The following DIAPH2 variants were observed in gnomAD, a reference collection of about 807,000 sequenced individuals.
The protein encoded by DIAPH2 is protein diaphanous homolog 2.
Under a neutral mutation model 92.7 loss-of-function variants are expected in DIAPH2, and 35 were observed. That is an observed-to-expected ratio of 0.38 (90% CI 0.29 to 0.50). DIAPH2 has a LOEUF of 0.50. Ranked by LOEUF, DIAPH2 falls within the 20% of genes least tolerant of loss-of-function variation. The probability of loss-of-function intolerance (pLI) is 0.94; values close to 1 mark genes in which losing one functional copy is unlikely to be tolerated. For missense variants in DIAPH2, 701 were observed against 819.5 expected, an observed-to-expected ratio of 0.86 and a Z score of 1.77; for synonymous variants, 301 against 280.4, an observed-to-expected ratio of 1.07 and a Z score of -0.73.
At chrX:96,779,742 CA>C (rs1289481617) in intron 4 of DIAPH2, among the ~76,000 whole-genome samples, 9 of 111,386 alleles carry the variant, frequency 8.1e-5, no homozygotes, top group Admixed American at 1.9e-4. Context: ...TTTCTAAAAA[CA>C]AAAAAATTAT....
chrX:97,254,755 G>A (rs963288627), intron 23 of DIAPH2, among the ~76,000 whole-genome samples: 2 of 106,784 alleles, frequency 1.9e-5, no homozygotes, highest in Admixed American at 1.0e-4. Flanking sequence ...ACAGAGTCTC[G>A]CTCTGTTGGC....
chrX:97,056,856 A>C (rs1602310580), intron 17 of DIAPH2, among the ~76,000 whole-genome samples: 1 of 111,927 alleles, frequency 8.9e-6, no homozygotes, highest in Non-Finnish European at 1.9e-5. Context: ...AATTTGTTGT[A>C]GTGGAATGAA....
At chrX:97,569,992 A>T (rs1462419442) in intron 26 of DIAPH2, among the ~76,000 whole-genome samples, 1 of 97,311 alleles carries the variant, frequency 1.0e-5, no homozygotes, top group African/African-American at 3.7e-5. Context: ...TCAATTAAAT[A>T]ATTCATAAAT....
At chrX:96,957,537 AAC>A (rs2065819052) in intron 15 of DIAPH2, among the ~76,000 whole-genome samples, 1 of 111,331 alleles carries the variant, frequency 9.0e-6, no homozygotes, top group Non-Finnish European at 1.9e-5. Flanking sequence ...TTTGGGTGGG[AAC>A]ACAGAGCCAA....
chrX:97,596,763 G>A (rs1182027060), intron 26 of DIAPH2, among the ~76,000 whole-genome samples: 3 of 111,673 alleles, frequency 2.7e-5, no homozygotes, highest in African/African-American at 6.5e-5. Context: ...TTCCCCATTC[G>A]TTTTTAATAC....
chrX:97,103,972 T>C (rs1283455486), intron 20 of DIAPH2, among the ~76,000 whole-genome samples: 1 of 111,775 alleles, frequency 8.9e-6, no homozygotes, highest in Non-Finnish European at 1.9e-5. Flanking sequence ...CTCTTGTTTA[T>C]ACTTCAAGTC....
At chrX:97,499,486 G>T (rs767600685) in intron 26 of DIAPH2, among the ~76,000 whole-genome samples, 11 of 111,737 alleles carry the variant, frequency 9.8e-5, no homozygotes, top group Middle Eastern at 4.7e-3. Context: ...TGAGATTTGG[G>T]CTTCTAGTGT....
chrX:97,503,980 T>C (rs2070816054), intron 26 of DIAPH2, among the ~76,000 whole-genome samples: 1 of 111,921 alleles, frequency 8.9e-6, no homozygotes, highest in Admixed American at 9.5e-5. Context: ...CTCTCTATTA[T>C]TTAGCACATT....
At position 97,469,360 on chromosome X, in the gene DIAPH2, AG is replaced by A. The variant is rs2070541981; in HGVS notation, c.3241+39616del. On this transcript the variant is annotated intron_variant, in intron 26 of 26. Coordinates refer to ENST00000324765, the MANE Select transcript of DIAPH2 (RefSeq NM_006729.5). Reference sequence around the variant, plus strand: ...GAGTAGTGAAGGACATCCGTATCATAGAAAGTCGCATCTATTCATTAACTTA... The same window carrying A: ...GAGTAGTGAAGGACATCCGTATCATAAAAGTCGCATCTATTCATTAACTTA... 3.6e-5 allele frequency among the ~76,000 whole-genome samples: 4 copies of A among 112,411 alleles called. No homozygotes were observed. In the South Asian group the frequency reaches 1.5e-3, roughly 42 times the overall value.
intron 22 of DIAPH2, among the ~76,000 whole-genome samples, chrX:97,219,843 C>A (rs1311329838): frequency 2.7e-5 from 3 of 111,838 alleles, no homozygotes; most frequent in African/African-American, 9.7e-5. Flanking sequence ...AATTGCATAT[C>A]TTTTATAGAT....
intron 22 of DIAPH2, among the ~76,000 whole-genome samples, chrX:97,181,057 TTTGTTGTTGTTG>T (rs764200751): frequency 1.4e-4 from 15 of 110,336 alleles, no homozygotes; most frequent in South Asian, 7.7e-4. Flanking sequence ...CAATGGCAGT[TTTGTTGTTGTTG>T]TTGTTGTTGT....
intron 20 of DIAPH2, among the ~76,000 whole-genome samples, chrX:97,102,854 C>T (rs1355308425): frequency 9.0e-6 from 1 of 111,268 alleles, no homozygotes; most frequent in African/African-American, 3.3e-5. Context: ...GCAGGAGAAT[C>T]GCTTGAACCT....
intron 4 of DIAPH2, among the ~76,000 whole-genome samples, chrX:96,805,396 G>A (rs1397166845): frequency 9.0e-6 from 1 of 110,948 alleles, no homozygotes; most frequent in Non-Finnish European, 1.9e-5. Context: ...ACAAGGCAAG[G>A]TAGTGAGCCA....
intron 4 of DIAPH2, among the ~76,000 whole-genome samples, chrX:96,793,081 A>G (rs1283272489): frequency 8.9e-6 from 1 of 112,453 alleles, no homozygotes; most frequent in African/African-American, 3.2e-5. Context: ...CTGCTGTTAC[A>G]TGGACACTAT....
intron 22 of DIAPH2, among the ~76,000 whole-genome samples, chrX:97,214,267 A>G (rs1280167392): frequency 9.0e-6 from 1 of 111,551 alleles, no homozygotes; most frequent in African/African-American, 3.3e-5. Flanking sequence ...AAGAACAAAA[A>G]CTATTTGTTT....
At chrX:97,268,651 T>C (rs1304543763) in intron 23 of DIAPH2, among the ~76,000 whole-genome samples, 2 of 111,663 alleles carry the variant, frequency 1.8e-5, no homozygotes, top group Non-Finnish European at 3.8e-5. Flanking sequence ...TGCTCAAGTT[T>C]ACTCAGTTTT....
intron 23 of DIAPH2, among the ~76,000 whole-genome samples, chrX:97,325,922 C>T (rs764950603): frequency 8.9e-6 from 1 of 112,215 alleles, no homozygotes. Context: ...GTTTTCAACT[C>T]TTGTTAAATA....
At chrX:97,548,739 G>A (rs756206587) in intron 26 of DIAPH2, among the ~76,000 whole-genome samples, 3 of 112,134 alleles carry the variant, frequency 2.7e-5, no homozygotes, top group South Asian at 3.7e-4. Flanking sequence ...TCTGTAAAAA[G>A]TCTAATATAA....
chrX:96,976,926 G>T (rs1272923632), intron 17 of DIAPH2, among the ~76,000 whole-genome samples: 4 of 111,185 alleles, frequency 3.6e-5, no homozygotes, highest in Non-Finnish European at 1.9e-5. Flanking sequence ...CTAGGTACTT[G>T]TATTGTTGTT....
Sources: allele counts gnomAD v4.1 joint callset (sites outside exome capture counted in the v4.1 genomes callset), GRCh38; gene constraint gnomAD v4.1.1; transcripts MANE v1.5; gene names NCBI Gene and HGNC (gene_info 2026-07-23, HGNC 2026-07-21).